The following USH2A variants were observed in gnomAD, a reference collection of about 807,000 sequenced individuals.
USH2A encodes the protein usherin.
Under a neutral mutation model 538.9 loss-of-function variants are expected in USH2A, and 443 were observed. The ratio of observed to expected loss-of-function variants is 0.82; its 90% CI spans 0.76 to 0.89. The LOEUF is 0.89. Ranked by LOEUF, USH2A falls within the 40% of genes least tolerant of loss-of-function variation. The probability of loss-of-function intolerance (pLI) is 0.00; values close to 1 mark genes in which losing one functional copy is unlikely to be tolerated. For missense variants in USH2A, 6,633 were observed against 6,324.8 expected, an observed-to-expected ratio of 1.05 and a Z score of -1.65; for synonymous variants, 2,413 against 2,273.5, an observed-to-expected ratio of 1.06 and a Z score of -1.75.
intron 49 of USH2A, among the ~76,000 whole-genome samples, chr1:215,809,402 T>C (rs1413475202): frequency 6.6e-6 from 1 of 152,044 alleles, no homozygotes; most frequent in Non-Finnish European, 1.5e-5. Context: ...ATTTTAGCTA[T>C]GTCTTTCTGA....
chr1:215,986,202 C>A (rs534016410), intron 35 of USH2A, among the ~76,000 whole-genome samples: 1 of 152,202 alleles, frequency 6.6e-6, no homozygotes, highest in South Asian at 2.1e-4. Context: ...TCACTGCAAA[C>A]CCTGCCTCCC....
intron 35 of USH2A, among the ~76,000 whole-genome samples, chr1:215,985,974 T>C (rs1032619466): frequency 6.6e-6 from 1 of 152,206 alleles, no homozygotes; most frequent in African/African-American, 2.4e-5. Context: ...CATTTTGACA[T>C]ATGTTCACAT....
At chr1:216,079,595 C>A (rs2031865101) in intron 26 of USH2A, among the ~76,000 whole-genome samples, 1 of 151,994 alleles carries the variant, frequency 6.6e-6, no homozygotes, top group African/African-American at 2.4e-5. Context: ...TATGTAGAAG[C>A]CAGATTTTAA....
At position 216,363,801 on chromosome 1, in the gene USH2A, G is replaced by A. The variant is rs569550166; in HGVS notation, c.784+1152C>T. Among the ~76,000 whole-genome samples the A allele has an allele frequency of 5.3e-5, 8 of 151,948 alleles. No homozygotes were observed. The East Asian group carries it at 1.2e-3, about 22-fold the overall frequency. On this transcript the variant is annotated intron_variant, in intron 4 of 71. Coordinates refer to ENST00000307340, the MANE Select transcript of USH2A (RefSeq NM_206933.4). The stretch of plus-strand genomic sequence containing the variant: ...ATGAGAAGATACATTGACATGAAAC[G>A]TTGTTTATAACATTTGAAGGAGAAG...
chr1:216,061,450 T>G (rs2031178613), intron 30 of USH2A, among the ~76,000 whole-genome samples: 1 of 152,160 alleles, frequency 6.6e-6, no homozygotes, highest in South Asian at 2.1e-4. Flanking sequence ...CATTTTTGAG[T>G]TTCAGTGGGG....
At position 216,207,276 on chromosome 1, in the gene USH2A, A is replaced by G. The variant is rs754621929; in HGVS notation, c.3313T>C (p.Tyr1105His). The stretch of plus-strand genomic sequence containing the variant: ...ATTACCAAACCCTTAAACTCACTGT[A>G]TGGGTATTGATCCTCTGTTGTGTAG... ...EIYTTEDQYP[Y>H]SIQYFLDTDL... The change falls in exon 16 of 72, where the codon TAC (tyrosine) becomes CAC (histidine). Residue 1105 changes from tyrosine to histidine, a missense_variant. Transcript: ENST00000307340. 1 of 1,613,986 alleles carries G rather than the reference A, an allele frequency of 6.2e-7. No individual in the cohort carries two copies. The highest frequency in any genetic ancestry group is 1.1e-5 in the South Asian group (1 of 91,084).
chr1:216,322,907 G>GTCA (rs1442418593), intron 8 of USH2A, among the ~76,000 whole-genome samples: 1 of 151,924 alleles, frequency 6.6e-6, no homozygotes, highest in Admixed American at 6.6e-5. Flanking sequence ...GTTTGCAGCT[G>GTCA]TCATTTCTTT....
chr1:215,955,442 T>C (rs1484253381), intron 37 of USH2A, among the ~76,000 whole-genome samples: 2 of 152,204 alleles, frequency 1.3e-5, no homozygotes, highest in African/African-American at 4.8e-5. Context: ...TCATTTAGTT[T>C]CTGTCTTGTT....
chr1:215,990,279 A>G (rs1558197934), intron 35 of USH2A, among the ~76,000 whole-genome samples: 1 of 152,252 alleles, frequency 6.6e-6, no homozygotes, highest in Non-Finnish European at 1.5e-5. Flanking sequence ...AGCTAGAAAA[A>G]TATATTTTAG....
rs775361263 is a variant in USH2A at position 216,199,622 on chromosome 1, C to T, written c.3811+5G>A. On this transcript the variant is annotated splice_donor_5th_base_variant and intron_variant, in intron 17 of 71. Coordinates refer to ENST00000307340, the MANE Select transcript of USH2A (RefSeq NM_206933.4). ...AAAAGGGGAATCTCAGCCTTGGATT[C>T]TTACCATTTAGTTCCGCTGGTGGAG... is the stretch of plus-strand genomic sequence containing the variant. 5 of 1,613,896 alleles carry T rather than the reference C, an allele frequency of 3.1e-6. No homozygotes were observed. Among genetic ancestry groups the T allele is most frequent in the Non-Finnish European group, 3.4e-6 (4 of 1,179,984 alleles).
chr1:215,622,951 G>T lies in USH2A; in HGVS notation c.*2830C>A, dbSNP rs1558252073. ...CTTTAGATTAGTTTACATGATATTT[G>T]TGCATTGGAAACCAACTATTCATTT... is the stretch of plus-strand genomic sequence containing the variant. On this transcript the variant is annotated 3_prime_UTR_variant, in exon 72 of 72. Transcript: ENST00000307340. 6.6e-6 allele frequency: 1 copy of T among 152,018 alleles called. No homozygotes were observed. The highest frequency in any genetic ancestry group is 1.5e-5 in the Non-Finnish European group (1 of 68,000). The allele number at this position is 152,018 out of a possible 1,614,324, so 9.4% of individuals were successfully genotyped here. A position where few individuals can be genotyped will look rare whatever the true frequency, so the allele number is the denominator to read the frequency against.
chr1:215,762,303 C>G (rs1465015485), intron 56 of USH2A, among the ~76,000 whole-genome samples: 1 of 152,140 alleles, frequency 6.6e-6, no homozygotes, highest in East Asian at 1.9e-4. Context: ...GCAGTTATAT[C>G]TTTTTCACCT....
At chr1:216,168,011 C>T (rs889309321) in intron 21 of USH2A, among the ~76,000 whole-genome samples, 2 of 152,116 alleles carry the variant, frequency 1.3e-5, no homozygotes, top group Admixed American at 6.6e-5. Flanking sequence ...CTATACACTT[C>T]AAGAGTGCTG....
intron 32 of USH2A, among the ~76,000 whole-genome samples, chr1:216,014,339 GGCT>G (rs1668652866): frequency 6.6e-6 from 1 of 152,068 alleles, no homozygotes; most frequent in Non-Finnish European, 1.5e-5. Context: ...AGGGAAGTGA[GGCT>G]GATAAATTCT....
At chr1:215,809,010 T>A (rs552132809) in intron 49 of USH2A, among the ~76,000 whole-genome samples, 1 of 152,212 alleles carries the variant, frequency 6.6e-6, no homozygotes, top group Admixed American at 6.6e-5. Flanking sequence ...TTTGAAAGGA[T>A]CCTATAATAT....
intron 48 of USH2A, 38 bp from the exon 49 acceptor site, chr1:215,813,942 T>C: frequency 6.2e-7 from 1 of 1,605,256 alleles, no homozygotes; most frequent in Non-Finnish European, 8.5e-7. Flanking sequence ...AATATCAGTT[T>C]AGTTAAGAGT....
At chr1:216,190,405 T>G (rs370040048) in intron 19 of USH2A, 38 bp from the exon 20 acceptor site, 1 of 1,584,898 alleles carries the variant, frequency 6.3e-7, no homozygotes, top group Admixed American at 1.7e-5. Flanking sequence ...GAAAGAAAGA[T>G]AATAGGTAAT....
At chr1:215,805,191 G>A (rs1446395523) in intron 49 of USH2A, among the ~76,000 whole-genome samples, 1 of 152,016 alleles carries the variant, frequency 6.6e-6, no homozygotes. Context: ...GTTAAATGAC[G>A]AGTTAATGGG....
At chr1:215,647,420 A>G (rs1656887735) in intron 67 of USH2A, 102 bp downstream of exon 67, 2 of 1,380,458 alleles carry the variant, frequency 1.4e-6, no homozygotes, top group East Asian at 2.3e-5. Context: ...TATTGAGCCC[A>G]CTCAATCTGT....
Sources: allele counts gnomAD v4.1 joint callset (sites outside exome capture counted in the v4.1 genomes callset), GRCh38; gene constraint gnomAD v4.1.1; transcripts MANE v1.5; gene names NCBI Gene and HGNC (gene_info 2026-07-23, HGNC 2026-07-21).